SLF1: variants seen among roughly 807,000 people sequenced by gnomAD.
The protein encoded by SLF1 is SMC5/6 complex localization factor 1, also known as SMC5-SMC6 complex localization factor protein 1.
Under a neutral mutation model 123.0 loss-of-function variants are expected in SLF1, and 105 were observed. That is an observed-to-expected ratio of 0.85 (90% confidence interval 0.73 to 1.00). The LOEUF (loss-of-function observed/expected upper bound fraction) is 1.00. Among genes scored for constraint, SLF1 ranks in the 50% least tolerant of loss-of-function variants. The pLI is 0.00. For synonymous variants in SLF1, 434 were observed against 406.6 expected (o/e 1.07, Z -0.81); for missense variants, 1,239 against 1,223.0 (o/e 1.01, Z -0.20).
At chr5:94,679,990 A>T (rs1053569248) in intron 15 of SLF1, among the ~76,000 whole-genome samples, 1 of 152,204 alleles carries the variant, frequency 6.6e-6, no homozygotes, top group Non-Finnish European at 1.5e-5. Context: ...AATACATTTT[A>T]AACCAAGTAA....
At chr5:94,627,832 A>C (rs1417861263) in intron 1 of SLF1, among the ~76,000 whole-genome samples, 1 of 150,068 alleles carries the variant, frequency 6.7e-6, no homozygotes, top group Admixed American at 6.6e-5. Context: ...GAACAACAGT[A>C]CTTTTTTTTT....
chr5:94,654,328 C>T (rs1366584553), intron 8 of SLF1, among the ~76,000 whole-genome samples: 2 of 136,922 alleles, frequency 1.5e-5, no homozygotes, highest in African/African-American at 5.5e-5. Context: ...CAATTTGGAA[C>T]AGGATAAATG....
intron 9 of SLF1, among the ~76,000 whole-genome samples, chr5:94,658,186 A>T (rs1585167188): frequency 7.1e-5 from 9 of 126,680 alleles, no homozygotes; most frequent in South Asian, 5.2e-4. Context: ...AGTATTGGTG[A>T]CATTTGGCTC....
At chr5:94,634,085 TTTA>T (rs1255586239) in intron 4 of SLF1, among the ~76,000 whole-genome samples, 2 of 152,200 alleles carry the variant, frequency 1.3e-5, no homozygotes, top group Non-Finnish European at 2.9e-5. Flanking sequence ...TATTTACAAG[TTTA>T]TTATTTAATT....
chr5:94,634,502 A>G (rs569769114), intron 4 of SLF1, among the ~76,000 whole-genome samples: 1 of 152,332 alleles, frequency 6.6e-6, no homozygotes. Flanking sequence ...TGCAAATGAC[A>G]TAATTTCTCT....
chr5:94,692,499 TGA>T (rs1453807917), intron 20 of SLF1, among the ~76,000 whole-genome samples: 1 of 152,142 alleles, frequency 6.6e-6, no homozygotes, highest in Non-Finnish European at 1.5e-5. Context: ...GGTTCGTGTA[TGA>T]GAGTCTGTTT....
intron 20 of SLF1, among the ~76,000 whole-genome samples, chr5:94,693,210 T>TATA: frequency 6.6e-6 from 1 of 152,230 alleles, no homozygotes; most frequent in South Asian, 2.1e-4. Context: ...TTTGGTTATA[T>TATA]ATAGTCTTCT....
chr5:94,675,188 C>G (rs566414752), intron 14 of SLF1, among the ~76,000 whole-genome samples: 4 of 152,158 alleles, frequency 2.6e-5, no homozygotes, highest in Non-Finnish European at 5.9e-5. Flanking sequence ...ACAGATTAGT[C>G]AAGTTTTGGA....
chr5:94,672,709 A>G (rs964337215), intron 14 of SLF1, among the ~76,000 whole-genome samples: 1 of 151,970 alleles, frequency 6.6e-6, no homozygotes, highest in Non-Finnish European at 1.5e-5. Flanking sequence ...ATGAGTTTCA[A>G]GGTTTTCTTT....
intron 3 of SLF1, 74 bp from the exon 4 acceptor site, chr5:94,630,429 A>G (rs1479266545): frequency 3.5e-6 from 5 of 1,437,438 alleles, no homozygotes; most frequent in African/African-American, 1.4e-5. Flanking sequence ...GTTGACTTTT[A>G]TATTTGATCT....
intron 9 of SLF1, among the ~76,000 whole-genome samples, chr5:94,661,539 G>GT (rs202036711): frequency 0.022 from 3,142 of 141,126 alleles, 87 homozygotes; most frequent in African/African-American, 0.064. Context: ...TTGTTTTTTT[G>GT]TTTTTTTTTT....
chr5:94,693,926 ATG>A (rs1392455209), intron 20 of SLF1, among the ~76,000 whole-genome samples: 4 of 151,062 alleles, frequency 2.6e-5, no homozygotes, highest in African/African-American at 9.7e-5. Flanking sequence ...CTATGCTACT[ATG>A]TATGTCTGAT....
chr5:94,646,784 C>A (rs754293015), intron 5 of SLF1, among the ~76,000 whole-genome samples: 24 of 152,292 alleles, frequency 1.6e-4, no homozygotes, highest in Admixed American at 3.9e-4. Context: ...AAAGTCATTT[C>A]TTGTGTCCCT....
chr5:94,665,985 G>T lies in SLF1; in HGVS notation c.1493G>T (p.Cys498Phe), dbSNP rs1337350265. Residue 498 changes from cysteine to phenylalanine, a missense_variant, in exon 12 of 21, where the codon TGT becomes TTT. Cys to Phe is a radical substitution (Grantham distance 205). Coordinates refer to ENST00000265140, the MANE Select transcript of SLF1 (RefSeq NM_032290.4). ...TTAGAGTTGTTTCAGTGTCCAACTT[G>T]TATGAAAGGAGCATGGTCTTTAGTA... ...YYLELFQCPT[C>F]MKGAWSLVEV... 1 of 1,551,194 alleles carries T rather than the reference G, an allele frequency of 6.4e-7. No individual in the cohort carries two copies.
chr5:94,689,440 C>A, intron 17 of SLF1, 33 bp from the exon 18 acceptor site: 6 of 1,590,398 alleles, frequency 3.8e-6, no homozygotes, highest in Non-Finnish European at 5.1e-6. Context: ...TGCTGAAAAA[C>A]AAGCTTTCAT....
At chr5:94,681,422 C>T (rs760068004) in intron 15 of SLF1, among the ~76,000 whole-genome samples, 3 of 152,122 alleles carry the variant, frequency 2.0e-5, no homozygotes, top group Non-Finnish European at 2.9e-5. Context: ...TGAACCACTG[C>T]GCCCAGCCAA....
chr5:94,645,018 G>T (rs192846459), intron 5 of SLF1, among the ~76,000 whole-genome samples: 9 of 152,158 alleles, frequency 5.9e-5, no homozygotes, highest in African/African-American at 2.2e-4. Flanking sequence ...AGCAGCAATG[G>T]ATATTGGAAA....
intron 15 of SLF1, among the ~76,000 whole-genome samples, chr5:94,683,987 T>C (rs1282601516): frequency 6.6e-6 from 1 of 152,202 alleles, no homozygotes; most frequent in Non-Finnish European, 1.5e-5. Context: ...TGTGTTCTCT[T>C]GTTCATCTAT....
At chr5:94,661,450 GT>G (rs1185211991) in intron 9 of SLF1, among the ~76,000 whole-genome samples, 2 of 152,026 alleles carry the variant, frequency 1.3e-5, no homozygotes, top group Non-Finnish European at 2.9e-5. Flanking sequence ...TCTACTCACT[GT>G]TTTAGTCCTT....
Sources: gnomAD v4.1 joint callset for allele counts (sites outside exome capture counted in the v4.1 genomes callset) on GRCh38, gnomAD v4.1.1 for gene constraint, MANE v1.5 for transcripts, NCBI Gene and HGNC (gene_info 2026-07-23, HGNC 2026-07-21) for gene names.